The following DLGAP1 variants were observed in gnomAD, a reference collection of about 807,000 sequenced individuals.
DLGAP1 encodes DLG associated protein 1, also known as disks large-associated protein 1.
Under a neutral mutation model 90.8 loss-of-function variants are expected in DLGAP1, and 11 were observed. The observed-to-expected ratio is 0.12, with a 90% CI of 0.08 to 0.20. The LOEUF (loss-of-function observed/expected upper bound fraction) is 0.20, where lower values mean the gene tolerates loss of function less well. Among genes scored for constraint, DLGAP1 ranks in the 10% least tolerant of loss-of-function variants. The probability of loss-of-function intolerance (pLI) is 1.00; values close to 1 mark genes in which losing one functional copy is unlikely to be tolerated. For missense variants in DLGAP1, 1,050 were observed against 1,333.8 expected, an observed-to-expected ratio of 0.79 and a Z score of 3.31; for synonymous variants, 558 against 540.7, an observed-to-expected ratio of 1.03 and a Z score of -0.44.
chr18:3,870,604 A>ACATCTAT lies in DLGAP1; in HGVS notation c.957+8501_957+8507dup, dbSNP rs1555697978. On this transcript the variant is annotated intron_variant, in intron 4 of 12. Coordinates refer to ENST00000315677, the MANE Select transcript of DLGAP1 (RefSeq NM_004746.4). ...CACCATACATATTTTATACATAAAT[A>ACATCTAT]CATCTATCTATCTATCTATCTATCT... Among the ~76,000 whole-genome samples the ACATCTAT allele has an allele frequency of 9.0e-3, 1,257 of 139,912 alleles. 16 individuals are homozygous for ACATCTAT. Among genetic ancestry groups the ACATCTAT allele is most frequent in the Middle Eastern group, 0.04 (11 of 274 alleles). 91.8% of individuals were successfully genotyped at this position (139,912 alleles called of 152,430 possible).
chr18:3,908,615 C>T (rs572733442), intron 3 of DLGAP1, among the ~76,000 whole-genome samples: 19 of 152,254 alleles, frequency 1.2e-4, no homozygotes, highest in Admixed American at 9.8e-4. Flanking sequence ...ACTATTTATG[C>T]TTGCTTATAA....
chr18:3,659,446 C>CCA (rs1470907320), intron 7 of DLGAP1, among the ~76,000 whole-genome samples: 30 of 117,170 alleles, frequency 2.6e-4, no homozygotes, highest in South Asian at 1.4e-3. Context: ...GATGCTACCA[C>CCA]CCCCCGCCGC....
chr18:3,806,206 A>G (rs1408005250), intron 5 of DLGAP1, among the ~76,000 whole-genome samples: 1 of 152,232 alleles, frequency 6.6e-6, no homozygotes, highest in African/African-American at 2.4e-5. Flanking sequence ...CAAAATAGTA[A>G]CCTGTAAACA....
chr18:3,879,433 C>T lies in DLGAP1; in HGVS notation c.636G>A (p.Met212Ile). ...WSSDDNLDGD[M>I]CIYHAPSGVM... ...CGCCCGAGGGGGCGTGGTAGATGCA[C>T]ATGTCACCATCCAGGTTGTCGTCCG... Residue 212 changes from methionine to isoleucine, a missense_variant, in exon 4 of 13, where the codon ATG becomes ATA. Met to Ile is a conservative substitution (Grantham distance 10). This residue lies in a region of DLGAP1 where 485 missense variants were observed against 454.1 expected (regional missense o/e 1.07). Transcript: ENST00000315677. This position sits in a 1 kb window ranked among gnomAD's most constrained non-coding sequence, Gnocchi z 6.6. The T allele has an allele frequency of 1.2e-6, 2 of 1,609,438 alleles. No homozygotes were observed. The highest frequency in any genetic ancestry group is 1.1e-5 in the South Asian group (1 of 91,088).
chr18:3,504,727 T>C (rs968668377), intron 11 of DLGAP1, among the ~76,000 whole-genome samples: 1 of 152,208 alleles, frequency 6.6e-6, no homozygotes, highest in African/African-American at 2.4e-5. Flanking sequence ...GGGCAACTCG[T>C]TCCCTTCTCA....
chr18:4,357,048 T>A (rs1011659928), intron 1 of DLGAP1, among the ~76,000 whole-genome samples: 1 of 147,600 alleles, frequency 6.8e-6, no homozygotes, highest in Non-Finnish European at 1.5e-5. Context: ...GGACTCATCA[T>A]CTGTCTGTCT....
At chr18:4,047,916 C>G (rs1282412121) in intron 2 of DLGAP1, among the ~76,000 whole-genome samples, 2 of 152,180 alleles carry the variant, frequency 1.3e-5, no homozygotes, top group Non-Finnish European at 2.9e-5. Flanking sequence ...CCACCTCAAC[C>G]TCCCAAGTAG....
chr18:4,103,014 C>T (rs920942746), intron 2 of DLGAP1, among the ~76,000 whole-genome samples: 10 of 152,224 alleles, frequency 6.6e-5, no homozygotes, highest in African/African-American at 2.4e-4. Context: ...TGCCCTGTCT[C>T]TCTGGGACCT....
intron 7 of DLGAP1, among the ~76,000 whole-genome samples, chr18:3,682,863 T>C (rs982619101): frequency 1.5e-4 from 23 of 151,920 alleles, no homozygotes; most frequent in Middle Eastern, 3.4e-3. Context: ...TTCTTTCTTT[T>C]TTTTTTTTTT....
intron 2 of DLGAP1, among the ~76,000 whole-genome samples, chr18:4,108,240 G>C (rs555092130): frequency 7.2e-5 from 11 of 152,226 alleles, no homozygotes; most frequent in African/African-American, 2.4e-4. Context: ...ATGTCACACA[G>C]AGAGGACATG....
chr18:3,551,105 A>T (rs1167296576), intron 9 of DLGAP1, among the ~76,000 whole-genome samples: 1 of 151,816 alleles, frequency 6.6e-6, no homozygotes, highest in Non-Finnish European at 1.5e-5. Flanking sequence ...GTTGTTTAGG[A>T]CATCAGTTTG....
intron 5 of DLGAP1, among the ~76,000 whole-genome samples, chr18:3,788,089 T>G (rs1473388939): frequency 6.6e-6 from 1 of 152,194 alleles, no homozygotes; most frequent in East Asian, 1.9e-4. Flanking sequence ...TGGATTCCCC[T>G]AAGAAGAATT....
chr18:3,514,901 T>G (rs1310227318), intron 10 of DLGAP1, among the ~76,000 whole-genome samples: 2 of 151,968 alleles, frequency 1.3e-5, no homozygotes, highest in Non-Finnish European at 1.5e-5. Flanking sequence ...TAAAATAAAT[T>G]TTTTTTTCAC....
At chr18:3,640,232 G>T (rs2058889241) in intron 7 of DLGAP1, among the ~76,000 whole-genome samples, 1 of 152,094 alleles carries the variant, frequency 6.6e-6, no homozygotes, top group Admixed American at 6.6e-5. Context: ...TCCTACTTAA[G>T]GACTGCTGTG....
chr18:4,108,275 T>G (rs2075905228), intron 2 of DLGAP1, among the ~76,000 whole-genome samples: 1 of 152,148 alleles, frequency 6.6e-6, no homozygotes, highest in African/African-American at 2.4e-5. Flanking sequence ...ACAGGCCTTG[T>G]TCAGTTCCCC....
chr18:4,011,175 C>T (rs1216091399), intron 2 of DLGAP1, among the ~76,000 whole-genome samples: 2 of 97,230 alleles, frequency 2.1e-5, no homozygotes, highest in African/African-American at 7.4e-5. Context: ...GATTCCGCCT[C>T]AAAAAAAAAA....
intron 1 of DLGAP1, among the ~76,000 whole-genome samples, chr18:4,267,068 C>T (rs2079146952): frequency 6.6e-6 from 1 of 152,230 alleles, no homozygotes; most frequent in South Asian, 2.1e-4. Context: ...TTTTCTTCTG[C>T]CTGACTTTTT....
chr18:4,183,479 A>G (rs1393202703), intron 1 of DLGAP1, among the ~76,000 whole-genome samples: 1 of 152,172 alleles, frequency 6.6e-6, no homozygotes, highest in African/African-American at 2.4e-5. Flanking sequence ...AAAATCAAAA[A>G]ATTATTTGAA....
intron 1 of DLGAP1, among the ~76,000 whole-genome samples, chr18:4,196,668 A>T (rs940896621): frequency 6.6e-6 from 1 of 152,230 alleles, no homozygotes; most frequent in Non-Finnish European, 1.5e-5. Flanking sequence ...TGACAAAGCT[A>T]CTTTGTGCGG....
Sources: allele counts gnomAD v4.1 joint callset (sites outside exome capture counted in the v4.1 genomes callset), GRCh38; gene constraint gnomAD v4.1.1; regional missense constraint gnomAD v4.1.1; non-coding constraint Gnocchi (gnomAD v3.1); transcripts MANE v1.5; gene names NCBI Gene and HGNC (gene_info 2026-07-23, HGNC 2026-07-21).